The following GLIS1 variants were observed in gnomAD, a reference collection of about 807,000 sequenced individuals.
GLIS1 encodes the protein GLIS family zinc finger 1.
In GLIS1, 24 loss-of-function variants were observed where a neutral mutation model predicts 63.8. The ratio of observed to expected loss-of-function variants is 0.38; its 90% CI spans 0.27 to 0.53. The LOEUF is 0.53. Ranked by LOEUF, GLIS1 falls within the 20% of genes least tolerant of loss-of-function variation. The pLI is 0.85. For synonymous variants in GLIS1, 450 were observed against 482.5 expected (o/e 0.93, Z 0.88); for missense variants, 1,036 against 1,074.1 (o/e 0.96, Z 0.50).
chr1:53,661,031 T>C (rs4927024), intron 2 of GLIS1, among the ~76,000 whole-genome samples: 128,133 of 152,218 alleles, frequency 0.84, 54,344 homozygotes, highest in East Asian at 0.95. Context: ...AGTGTCCCCT[T>C]AACAAGGTTG....
intron 2 of GLIS1, among the ~76,000 whole-genome samples, chr1:53,705,942 T>C (rs1311270446): frequency 6.6e-6 from 1 of 152,154 alleles, no homozygotes; most frequent in African/African-American, 2.4e-5. Flanking sequence ...TTGCTGACCA[T>C]CTGCTGTCCC....
intron 2 of GLIS1, among the ~76,000 whole-genome samples, chr1:53,686,780 G>A (rs1274191689): frequency 6.6e-6 from 1 of 152,060 alleles, no homozygotes; most frequent in African/African-American, 2.4e-5. Context: ...AACGTGTGAC[G>A]GGTTCAGAGG....
At chr1:53,643,473 C>G (rs1302465734) in intron 2 of GLIS1, among the ~76,000 whole-genome samples, 3 of 152,198 alleles carry the variant, frequency 2.0e-5, no homozygotes, top group Non-Finnish European at 4.4e-5. Flanking sequence ...CATGCACAGA[C>G]AGTGTGGCCT....
At chr1:53,680,976 A>G (rs1417589314) in intron 2 of GLIS1, among the ~76,000 whole-genome samples, 1 of 152,224 alleles carries the variant, frequency 6.6e-6, no homozygotes, top group African/African-American at 2.4e-5. Context: ...CCCTGAGCAG[A>G]CGCTGGCCAG....
chr1:53,607,932 A>C (rs921693509), intron 2 of GLIS1, among the ~76,000 whole-genome samples: 1 of 150,296 alleles, frequency 6.7e-6, no homozygotes, highest in Non-Finnish European at 1.5e-5. Flanking sequence ...GCACGGAGAA[A>C]GTAGAGTGAG....
At chr1:53,557,572 C>G (rs1369649248) in intron 4 of GLIS1, among the ~76,000 whole-genome samples, 2 of 152,192 alleles carry the variant, frequency 1.3e-5, no homozygotes, top group African/African-American at 4.8e-5. Flanking sequence ...CAGCCATGCC[C>G]TGTGGCTGAG....
intron 2 of GLIS1, among the ~76,000 whole-genome samples, chr1:53,714,336 A>G (rs1009309077): frequency 2.0e-5 from 3 of 152,242 alleles, no homozygotes; most frequent in Non-Finnish European, 4.4e-5. Flanking sequence ...TGCTCCATAA[A>G]TGGTCACTAC....
chr1:53,657,071 G>T (rs1021869506), intron 2 of GLIS1, among the ~76,000 whole-genome samples: 1 of 152,188 alleles, frequency 6.6e-6, no homozygotes, highest in Non-Finnish European at 1.5e-5. Context: ...GACAGCAAGT[G>T]GCTGAAGCTG....
intron 2 of GLIS1, among the ~76,000 whole-genome samples, chr1:53,654,688 C>T (rs1227777082): frequency 1.3e-5 from 2 of 152,108 alleles, no homozygotes; most frequent in Non-Finnish European, 2.9e-5. Flanking sequence ...GAGGAGGGAG[C>T]GAGCCCTGGC....
rs909814799 is a variant in GLIS1 at position 53,646,862 on chromosome 1, A to AGAAG, written c.260-46588_260-46585dup. On this transcript the variant is annotated intron_variant, in intron 2 of 10. Coordinates refer to ENST00000628545, the MANE Select transcript of GLIS1 (RefSeq NM_001367484.1). This position sits in a 1 kb window ranked among gnomAD's most constrained non-coding sequence, Gnocchi z 4.2. Reference sequence around the variant, plus strand: ...AGAGAGAGAAAGAGAGGGGAAGGAAAGAAGGAAGGAAGGAAGGAGAAGGGA... The same window carrying AGAAG: ...AGAGAGAGAAAGAGAGGGGAAGGAAAGAAGGAAGGAAGGAAGGAAGGAGAAGGGA... 6.7e-6 allele frequency among the ~76,000 whole-genome samples: 1 copy of AGAAG among 149,460 alleles called. No individual in the cohort carries two copies. The highest frequency in any genetic ancestry group is 1.5e-5 in the Non-Finnish European group (1 of 67,302).
At chr1:53,600,982 G>A (rs1202076465) in intron 2 of GLIS1, among the ~76,000 whole-genome samples, 2 of 152,186 alleles carry the variant, frequency 1.3e-5, no homozygotes, top group East Asian at 3.8e-4. Context: ...AGTGTAACAA[G>A]AGTCAGGCGT....
At chr1:53,710,758 G>A (rs1224438377) in intron 2 of GLIS1, among the ~76,000 whole-genome samples, 1 of 152,158 alleles carries the variant, frequency 6.6e-6, no homozygotes, top group Non-Finnish European at 1.5e-5. Context: ...TCACGCTCGT[G>A]CAAACGTGGT....
intron 2 of GLIS1, among the ~76,000 whole-genome samples, chr1:53,680,906 G>A (rs1646268062): frequency 6.6e-6 from 1 of 152,216 alleles, no homozygotes; most frequent in South Asian, 2.1e-4. Flanking sequence ...ACCCTTCACT[G>A]TGCCCAAGGT....
rs190212089 is a variant in GLIS1, at chr1:53,538,970, G to T, written c.1321-9018C>A. On this transcript the variant is annotated intron_variant, in intron 4 of 10. Transcript: ENST00000628545. ...AGGAGGTGCAGGAGGGGCTGAGTCAGCTTCTCTTGGGCCCAAGTGGACAGG... is the reference window on the plus strand; with the variant it reads ...AGGAGGTGCAGGAGGGGCTGAGTCATCTTCTCTTGGGCCCAAGTGGACAGG... Among the ~76,000 whole-genome samples, 234 of 152,232 alleles carry T rather than the reference G, an allele frequency of 1.5e-3. 1 individual carries two copies. The highest frequency in any genetic ancestry group is 2.5e-3 in the Admixed American group (39 of 15,298).
chr1:53,532,449 G>A (rs979128482), intron 4 of GLIS1, among the ~76,000 whole-genome samples: 3 of 152,222 alleles, frequency 2.0e-5, no homozygotes, highest in Admixed American at 6.5e-5. Flanking sequence ...CTGCTGGGGC[G>A]GGTCCAAGGC....
rs554780054 is a variant in GLIS1 at position 53,701,134 on chromosome 1, C to T, written c.259+36672G>A. On this transcript the variant is annotated intron_variant, in intron 2 of 10. Transcript: ENST00000628545. ...TGCTTTCAGTCCTCTTAGGTGTAAA[C>T]CTAGGAGTGTAGCTGGGGGGTCAAA... 2.6e-5 allele frequency among the ~76,000 whole-genome samples: 4 copies of T among 152,298 alleles called. No homozygotes were observed. In the South Asian group the frequency reaches 8.3e-4, roughly 32 times the overall value.
Position 53,539,546 on chromosome 1 carries a change from A to ACCC in GLIS1, c.1321-9597_1321-9595dup, listed in dbSNP as rs71044475. ...CACACACACATACCACACGGTATAC[A>ACCC]CCCCCCCACACACACTACACATCAT... is the stretch of plus-strand genomic sequence containing the variant. On this transcript the variant is annotated intron_variant, in intron 4 of 10. Coordinates refer to ENST00000628545, the MANE Select transcript of GLIS1 (RefSeq NM_001367484.1). The surrounding 1 kb of genome is among the most constrained non-coding windows in gnomAD (Gnocchi z 5.0). 3.2e-4 allele frequency among the ~76,000 whole-genome samples: 47 copies of ACCC among 146,470 alleles called. No homozygotes were observed. The highest frequency in any genetic ancestry group is 8.7e-4 in the South Asian group (4 of 4,612).
chr1:53,666,883 C>T (rs924573474), intron 2 of GLIS1, among the ~76,000 whole-genome samples: 1 of 152,200 alleles, frequency 6.6e-6, no homozygotes, highest in Non-Finnish European at 1.5e-5. Flanking sequence ...CAGGTTCAAC[C>T]TGCCCTAGAA....
chr1:53,563,780 G>GTAGAAGAAC (rs1264989628), intron 4 of GLIS1, among the ~76,000 whole-genome samples: 15 of 152,252 alleles, frequency 9.9e-5, no homozygotes, highest in African/African-American at 3.6e-4. Context: ...TATCACAGAA[G>GTAGAAGAAC]TAGAAGAACT....
Sources: gnomAD v4.1 joint callset for allele counts (sites outside exome capture counted in the v4.1 genomes callset) on GRCh38, gnomAD v4.1.1 for gene constraint, Gnocchi (gnomAD v3.1) non-coding constraint, MANE v1.5 for transcripts, NCBI Gene and HGNC (gene_info 2026-07-23, HGNC 2026-07-21) for gene names.